Variants in ITGAL observed in about 807,000 individuals in gnomAD.
ITGAL encodes the protein integrin alpha-L.
In ITGAL, 68 loss-of-function variants were observed where a neutral mutation model predicts 138.4. The observed-to-expected ratio is 0.49, with a 90% CI of 0.40 to 0.60. The LOEUF is 0.60. Among genes scored for constraint, ITGAL ranks in the 20% least tolerant of loss-of-function variants. ITGAL has a pLI of 0.00. For missense variants in ITGAL, 1,256 were observed against 1,478.6 expected (o/e 0.85, Z 2.47); for synonymous variants, 561 against 584.3 (o/e 0.96, Z 0.57).
intron 14 of ITGAL, 26 bp from the exon 15 acceptor site, chr16:30,496,410 A>C (rs1389399590): frequency 6.2e-7 from 1 of 1,613,866 alleles, no homozygotes; most frequent in Non-Finnish European, 8.5e-7. Flanking sequence ...TCCTCAGCTT[A>C]GTGGCAATTT....
intron 4 of ITGAL, among the ~76,000 whole-genome samples, chr16:30,476,382 T>C (rs2050471920): frequency 6.6e-6 from 1 of 152,168 alleles, no homozygotes; most frequent in South Asian, 2.1e-4. Context: ...GAAATATCTG[T>C]GATCATTGAT....
At chr16:30,506,680 T>G (rs1247720227) in intron 20 of ITGAL, 35 bp from the exon 21 acceptor site, 2 of 1,488,994 alleles carry the variant, frequency 1.3e-6, no homozygotes, top group Admixed American at 3.7e-5. Context: ...ACCCTGATCC[T>G]CCCTCCTCCA....
At chr16:30,498,339 A>G (rs2050835071) in intron 15 of ITGAL, among the ~76,000 whole-genome samples, 1 of 151,446 alleles carries the variant, frequency 6.6e-6, no homozygotes, top group Admixed American at 6.6e-5. Context: ...GTCTGAGACA[A>G]GAGGATCGCT....
At chr16:30,479,540 T>C in intron 6 of ITGAL, 79 bp downstream of exon 6, 2 of 1,413,072 alleles carry the variant, frequency 1.4e-6, no homozygotes, top group Non-Finnish European at 1.9e-6. Context: ...AAGGAAATGT[T>C]AGTATGTGGA....
intron 20 of ITGAL, 102 bp downstream of exon 20, chr16:30,505,564 T>A: frequency 1.1e-6 from 1 of 869,762 alleles, no homozygotes; most frequent in Non-Finnish European, 1.9e-6. Context: ...TTCCCTCTCT[T>A]GGGCCTTAGT....
At chr16:30,493,245 C>CATTTTAATTTATTTT (rs2050748723) in intron 11 of ITGAL, among the ~76,000 whole-genome samples, 1 of 139,792 alleles carries the variant, frequency 7.2e-6, no homozygotes, top group Non-Finnish European at 1.5e-5. Flanking sequence ...TAATATATAC[C>CATTTTAATTTATTTT]ATTTTATTTT....
At chr16:30,479,280 G>A (rs1196029380) in intron 5 of ITGAL, 51 bp from the exon 6 acceptor site, 6 of 1,613,434 alleles carry the variant, frequency 3.7e-6, no homozygotes, top group South Asian at 3.3e-5. Flanking sequence ...AGCATGGGCA[G>A]GTCAAACACC....
chr16:30,510,225 C>A (rs1046848062), intron 21 of ITGAL, 136 bp from the exon 22 acceptor site: 3 of 653,146 alleles, frequency 4.6e-6, no homozygotes, highest in Non-Finnish European at 8.3e-6. Context: ...AGCCCTGATT[C>A]TTGGGCCCTT....
At position 30,474,318 on chromosome 16, in the gene ITGAL, TC is replaced by T. The variant is rs1297281398; in HGVS notation, c.164+22del. The T allele has an allele frequency of 6.4e-7, 1 of 1,555,112 alleles. No individual in the cohort carries two copies. The highest frequency in any genetic ancestry group is 1.1e-5 in the South Asian group (1 of 86,968). On this transcript the variant is annotated intron_variant, in intron 2 of 30. Coordinates refer to ENST00000356798, the MANE Select transcript of ITGAL (RefSeq NM_002209.3). ...AAACGGGTGAGCTGTGCCCCACAAG[TC>T]CTCCTCCTGATGCCCGCCCTGGGGC...
chr16:30,481,555 CA>C lies in ITGAL; in HGVS notation c.695del (p.Asn232IlefsTer80). On this transcript the variant is annotated frameshift_variant, in exon 7 of 31. Transcript: ENST00000356798. LOFTEE classifies it high-confidence loss of function. ...ATGTAAAGCACATGTTGCTGTTGAC[CA>C]ATACCTTTGGTGCCATCAATTATGT... ...KHVKHMLLLT[N>X]TFGAINYVAT... is the part of the protein sequence containing the mutation. 1.2e-6 allele frequency: 2 copies of C among 1,613,610 alleles called. No homozygotes were observed. Among genetic ancestry groups the C allele is most frequent in the Non-Finnish European group, 1.7e-6 (2 of 1,179,822 alleles).
At chr16:30,515,886 C>T (rs1416578416) in intron 25 of ITGAL, among the ~76,000 whole-genome samples, 3 of 151,838 alleles carry the variant, frequency 2.0e-5, no homozygotes, top group African/African-American at 4.8e-5. Flanking sequence ...GCAGGAGAAT[C>T]GCTTGAACCT....
At chr16:30,521,100 T>C (rs1237216328) in intron 30 of ITGAL, among the ~76,000 whole-genome samples, 2 of 150,478 alleles carry the variant, frequency 1.3e-5, no homozygotes, top group East Asian at 3.9e-4. Context: ...TAAAATAAAA[T>C]AAATAAAATA....
At chr16:30,483,472 T>C (rs1470382451) in intron 7 of ITGAL, among the ~76,000 whole-genome samples, 2 of 152,196 alleles carry the variant, frequency 1.3e-5, no homozygotes, top group Admixed American at 6.6e-5. Context: ...CTCTTCCACA[T>C]TGAAATCTCA....
intron 9 of ITGAL, among the ~76,000 whole-genome samples, chr16:30,486,376 C>T (rs2046297191): frequency 6.7e-6 from 1 of 148,286 alleles, no homozygotes; most frequent in Non-Finnish European, 1.5e-5. Flanking sequence ...TGACACTGTA[C>T]TCCAGCCTGG....
chr16:30,489,023 AT>A (rs1377365333), intron 9 of ITGAL, 58 bp from the exon 10 acceptor site: 5 of 1,448,934 alleles, frequency 3.5e-6, no homozygotes, highest in Non-Finnish European at 4.8e-6. Context: ...CCTGCCATGA[AT>A]TTTTTTCACT....
chr16:30,475,215 A>C (rs1222878524), intron 2 of ITGAL, 91 bp from the exon 3 acceptor site: 5 of 925,332 alleles, frequency 5.4e-6, no homozygotes, highest in Non-Finnish European at 8.5e-6. Context: ...GCTTGGAGAA[A>C]TGAGACAGGA....
At chr16:30,488,852 G>A in intron 9 of ITGAL, 1 of 519,652 alleles carries the variant, frequency 1.9e-6, no homozygotes, top group Non-Finnish European at 3.5e-6. Context: ...ACTCCAACCT[G>A]GGCAACAGAG....
intron 17 of ITGAL, among the ~76,000 whole-genome samples, chr16:30,500,553 A>T (rs1486267620): frequency 6.6e-6 from 1 of 151,432 alleles, no homozygotes; most frequent in African/African-American, 2.4e-5. Flanking sequence ...ATTTTTTATT[A>T]AAAAAATTTT....
intron 6 of ITGAL, 118 bp from the exon 7 acceptor site, chr16:30,481,321 G>C (rs1162929315): frequency 7.3e-6 from 6 of 816,644 alleles, no homozygotes; most frequent in Non-Finnish European, 1.1e-5. Flanking sequence ...ACTCCAGCCT[G>C]GGCAACAAGA....
Sources: allele counts gnomAD v4.1 joint callset (sites outside exome capture counted in the v4.1 genomes callset), GRCh38; gene constraint gnomAD v4.1.1; transcripts MANE v1.5; gene names NCBI Gene and HGNC (gene_info 2026-07-23, HGNC 2026-07-21).